GRM8: variants seen among roughly 807,000 people sequenced by gnomAD.
The protein encoded by GRM8 is glutamate metabotropic receptor 8.
Under a neutral mutation model 87.2 loss-of-function variants are expected in GRM8, and 47 were observed. The observed-to-expected ratio is 0.54, with a 90% CI of 0.43 to 0.69. The LOEUF (loss-of-function observed/expected upper bound fraction) is 0.69, where lower values mean the gene tolerates loss of function less well. GRM8 is among the 30% of genes least tolerant of loss of function. The pLI is 0.00. For missense variants in GRM8, 1,019 were observed against 1,139.2 expected (o/e 0.89, Z 1.52); for synonymous variants, 396 against 404.5 (o/e 0.98, Z 0.25).
At chr7:126,477,554 G>T (rs1250362377) in intron 9 of GRM8, among the ~76,000 whole-genome samples, 1 of 128,732 alleles carries the variant, frequency 7.8e-6, no homozygotes, top group Non-Finnish European at 1.6e-5. Context: ...GAGAAAAGGA[G>T]AAGTAAGAGA....
chr7:127,070,268 A>G (rs1425734320), intron 3 of GRM8, among the ~76,000 whole-genome samples: 1 of 152,198 alleles, frequency 6.6e-6, no homozygotes, highest in Non-Finnish European at 1.5e-5. Flanking sequence ...TTGTTTCTAC[A>G]TAAGGATCAT....
chr7:127,090,899 AT>A (rs1421564142), intron 3 of GRM8: 1 of 152,304 alleles, frequency 6.6e-6, no homozygotes, highest in Admixed American at 6.5e-5. Flanking sequence ...TGTCTCCAGC[AT>A]GCACTCACCT....
chr7:127,031,689 A>G (rs1372208678), intron 3 of GRM8, among the ~76,000 whole-genome samples: 1 of 152,190 alleles, frequency 6.6e-6, no homozygotes. Flanking sequence ...TATTTTCTTC[A>G]TAAAAAAATC....
At chr7:127,089,421 G>A (rs1469049511) in intron 3 of GRM8, among the ~76,000 whole-genome samples, 1 of 152,184 alleles carries the variant, frequency 6.6e-6, no homozygotes, top group African/African-American at 2.4e-5. Context: ...CCAGTGTGTG[G>A]TGATTTGTTA....
intron 3 of GRM8, among the ~76,000 whole-genome samples, chr7:126,961,292 G>A (rs150360953): frequency 3.3e-5 from 5 of 152,116 alleles, no homozygotes; most frequent in African/African-American, 7.2e-5. Context: ...TTGATCAAAG[G>A]GTTTTGTAAA....
At chr7:126,649,484 C>G (rs951787184) in intron 7 of GRM8, among the ~76,000 whole-genome samples, 18 of 152,238 alleles carry the variant, frequency 1.2e-4, no homozygotes, top group African/African-American at 4.1e-4. Flanking sequence ...TTGCAGAGAG[C>G]CTGTTGAGGG....
At chr7:126,474,567 A>C (rs1024696609) in intron 9 of GRM8, among the ~76,000 whole-genome samples, 1 of 152,140 alleles carries the variant, frequency 6.6e-6, no homozygotes, top group Non-Finnish European at 1.5e-5. Context: ...CCCAACCTAC[A>C]TGCATTTTTA....
chr7:126,903,517 A>G (rs1802307631), intron 5 of GRM8, among the ~76,000 whole-genome samples: 1 of 150,562 alleles, frequency 6.6e-6, no homozygotes, highest in Non-Finnish European at 1.5e-5. Context: ...ATAACTGACT[A>G]TGGTCTTTTT....
chr7:126,586,260 G>A (rs951400692), intron 8 of GRM8, among the ~76,000 whole-genome samples: 39 of 152,086 alleles, frequency 2.6e-4, no homozygotes, highest in African/African-American at 8.5e-4. Context: ...TACTGCCCAA[G>A]GTAATTTATA....
chr7:126,962,364 A>G (rs1237557426), intron 3 of GRM8, among the ~76,000 whole-genome samples: 3 of 152,230 alleles, frequency 2.0e-5, no homozygotes, highest in Non-Finnish European at 4.4e-5. Context: ...GCTGCTGCAT[A>G]TGGTCAAGAT....
intron 6 of GRM8, among the ~76,000 whole-genome samples, chr7:126,897,242 C>T (rs1303464349): frequency 2.0e-5 from 3 of 152,136 alleles, no homozygotes; most frequent in African/African-American, 7.2e-5. Context: ...CTACAATATT[C>T]ACTATTGGGT....
chr7:127,015,068 A>AAC (rs367718694), intron 3 of GRM8, among the ~76,000 whole-genome samples: 4 of 93,218 alleles, frequency 4.3e-5, no homozygotes, highest in Admixed American at 3.1e-4. Context: ...GAAGAAGAAG[A>AAC]AAGAAAGAAG....
intron 2 of GRM8, among the ~76,000 whole-genome samples, chr7:127,108,975 C>T (rs942229675): frequency 1.3e-5 from 2 of 152,152 alleles, no homozygotes; most frequent in African/African-American, 4.8e-5. Context: ...CATGAAGTCA[C>T]ATCTCATTTT....
At chr7:127,028,685 T>C (rs1369563523) in intron 3 of GRM8, among the ~76,000 whole-genome samples, 1 of 152,108 alleles carries the variant, frequency 6.6e-6, no homozygotes, top group Non-Finnish European at 1.5e-5. Context: ...TGATATCCCC[T>C]TTTATCATTT....
At chr7:126,942,488 G>A (rs1807068821) in intron 3 of GRM8, among the ~76,000 whole-genome samples, 2 of 152,196 alleles carry the variant, frequency 1.3e-5, no homozygotes, top group African/African-American at 4.8e-5. Context: ...TCAGTTTAGA[G>A]GTCAGTGTTA....
intron 3 of GRM8, among the ~76,000 whole-genome samples, chr7:127,069,914 T>G (rs924459646): frequency 1.3e-5 from 2 of 152,202 alleles, no homozygotes; most frequent in East Asian, 3.8e-4. Flanking sequence ...GAATGCTATG[T>G]CCAACATTAG....
At chr7:126,640,719 T>G (rs2151201577) in intron 7 of GRM8, among the ~76,000 whole-genome samples, 1 of 152,078 alleles carries the variant, frequency 6.6e-6, no homozygotes, top group South Asian at 2.1e-4. Context: ...GAAACTAGAG[T>G]AGTTGTTCTG....
chr7:126,742,372 C>T (rs1815108433), intron 7 of GRM8, among the ~76,000 whole-genome samples: 1 of 152,038 alleles, frequency 6.6e-6, no homozygotes, highest in Non-Finnish European at 1.5e-5. Flanking sequence ...AGGGAAAAGG[C>T]AGCTTGAAGG....
chr7:126,961,257 GA>G (rs1809294406), intron 3 of GRM8, among the ~76,000 whole-genome samples: 1 of 152,190 alleles, frequency 6.6e-6, no homozygotes, highest in South Asian at 2.1e-4. Flanking sequence ...TGCTAAGTGT[GA>G]AACTCCTCAC....
Sources: allele counts gnomAD v4.1 joint callset (sites outside exome capture counted in the v4.1 genomes callset), GRCh38; gene constraint gnomAD v4.1.1; transcripts MANE v1.5; gene names NCBI Gene and HGNC (gene_info 2026-07-23, HGNC 2026-07-21).